The following DNAH12 variants were observed in gnomAD, a reference collection of about 807,000 sequenced individuals.
DNAH12 encodes the protein axonemal beta dynein heavy chain 12.
A neutral mutation model predicts 371.5 loss-of-function variants in DNAH12; 285 were observed. The ratio of observed to expected loss-of-function variants is 0.77; its 90% CI spans 0.70 to 0.85. The LOEUF (loss-of-function observed/expected upper bound fraction) is 0.85, where lower values mean the gene tolerates loss of function less well. Ranked by LOEUF, DNAH12 falls within the 40% of genes least tolerant of loss-of-function variation. The probability of loss-of-function intolerance (pLI) is 0.00; values close to 1 mark genes in which losing one functional copy is unlikely to be tolerated. For missense variants in DNAH12, 3,611 were observed against 3,689.4 expected, an observed-to-expected ratio of 0.98 and a Z score of 0.55; for synonymous variants, 1,200 against 1,213.0, an observed-to-expected ratio of 0.99 and a Z score of 0.22.
chr3:57,458,238 A>T lies in DNAH12; in HGVS notation c.2932-18T>A, dbSNP rs1360943165. On this transcript the variant is annotated intron_variant, in intron 20 of 73. Transcript: ENST00000495027. ...GCAAGAACCTAAACGAGACACATGCATTCAAGTCAGCACTTTTATGCCAGA... is the reference window on the plus strand; with the variant it reads ...GCAAGAACCTAAACGAGACACATGCTTTCAAGTCAGCACTTTTATGCCAGA... 2 of 1,534,098 alleles carry T rather than the reference A, an allele frequency of 1.3e-6. No individual in the cohort carries two copies. The highest frequency in any genetic ancestry group is 4.9e-5 in the East Asian group (2 of 40,816).
intron 66 of DNAH12, among the ~76,000 whole-genome samples, chr3:57,311,853 T>G (rs922289716): frequency 1.3e-5 from 2 of 152,218 alleles, no homozygotes; most frequent in African/African-American, 4.8e-5. Flanking sequence ...GCAATACATA[T>G]CATTTCTAGT....
At position 57,413,881 on chromosome 3, in the gene DNAH12, C is replaced by A; in HGVS notation, c.5885G>T (p.Arg1962Leu). 9.7e-6 allele frequency: 15 copies of A among 1,550,658 alleles called. No homozygotes were observed. Among genetic ancestry groups the A allele is most frequent in the Non-Finnish European group, 1.3e-5 (15 of 1,146,568 alleles). Residue 1962 changes from arginine (R) to leucine (L), a missense_variant, in exon 39 of 74, where the codon CGC becomes CTC. By Grantham distance (102) the Arg-to-Leu change is moderately radical. This residue lies in a region of DNAH12 where 2,266 missense variants were observed against 2,236.9 expected (regional missense o/e 1.01). Coordinates refer to ENST00000495027, the MANE Select transcript of DNAH12 (RefSeq NM_001366028.2). ...NIIMARLDKRRKGVFGPPMGK... is the reference protein window; with the variant it reads ...NIIMARLDKRLKGVFGPPMGK... ...CATAGGTGGTCCAAAGACTCCTTTG[C>A]GTCTTTTATCCAATCTAGCCATGAT...
intron 5 of DNAH12, among the ~76,000 whole-genome samples, 195 bp downstream of exon 5, chr3:57,510,595 G>C (rs1274845410): frequency 6.6e-6 from 1 of 151,998 alleles, no homozygotes; most frequent in African/African-American, 2.4e-5. Context: ...AGCCGAAATA[G>C]CACCACTGCA....
At chr3:57,489,811 T>A in intron 11 of DNAH12, 124 bp from the exon 12 acceptor site, 2 of 1,019,722 alleles carry the variant, frequency 2.0e-6, no homozygotes, top group Non-Finnish European at 2.7e-6. Flanking sequence ...GCTAAGTGAC[T>A]AAAATTTTTT....
At chr3:57,431,136 A>C (rs1023770002) in intron 32 of DNAH12, among the ~76,000 whole-genome samples, 21 of 152,138 alleles carry the variant, frequency 1.4e-4, no homozygotes, top group Non-Finnish European at 7.4e-5. Flanking sequence ...ACTCTGCACA[A>C]ATTTGAAAGG....
At chr3:57,305,934 C>T (rs977581754) in intron 69 of DNAH12, among the ~76,000 whole-genome samples, 11 of 152,228 alleles carry the variant, frequency 7.2e-5, no homozygotes, top group African/African-American at 2.7e-4. Context: ...TCCAGAACCT[C>T]CTCCCCCAGG....
chr3:57,472,498 T>A, intron 14 of DNAH12, 48 bp downstream of exon 14: 1 of 1,520,874 alleles, frequency 6.6e-7, no homozygotes, highest in African/African-American at 1.4e-5. Flanking sequence ...GTGAATGATG[T>A]GCTTGAAATG....
Position 57,445,402 on chromosome 3 carries a change from C to T in DNAH12, c.4197G>A (p.Val1399=). 2 of 1,531,316 alleles carry T rather than the reference C, an allele frequency of 1.3e-6. No individual in the cohort carries two copies. 94.9% of individuals were successfully genotyped at this position (1,531,316 alleles called of 1,614,324 possible). A position where few individuals can be genotyped will look rare whatever the true frequency, so the allele number is the denominator to read the frequency against. Residue 1399 remains valine (V), a synonymous_variant, in exon 28 of 74, where the codon GTG becomes GTA. Coordinates refer to ENST00000495027, the MANE Select transcript of DNAH12 (RefSeq NM_001366028.2). ...PDNLKVLFRT[V]AMMVPNYALI... ...GCGCATAGTTTGGAACCATCATAGC[C>T]ACTGTTCTAAAAAGAACCTGAAGTA...
At position 57,470,648 on chromosome 3, in the gene DNAH12, T is replaced by A; in HGVS notation, c.1912-12A>T. On this transcript the variant is annotated splice_polypyrimidine_tract_variant and intron_variant, in intron 15 of 73. Coordinates refer to ENST00000495027, the MANE Select transcript of DNAH12 (RefSeq NM_001366028.2). ...ACATCTGTCACATACTGAAAGTAAATAAGTTTTTTGTCTTAAAAAAAATTC... is the reference window on the plus strand; with the variant it reads ...ACATCTGTCACATACTGAAAGTAAAAAAGTTTTTTGTCTTAAAAAAAATTC... 2.0e-6 allele frequency: 3 copies of A among 1,516,254 alleles called. No individual in the cohort carries two copies. The highest frequency in any genetic ancestry group is 2.6e-5 in the Admixed American group (1 of 38,420). 93.9% of individuals were successfully genotyped at this position (1,516,254 alleles called of 1,614,324 possible).
chr3:57,476,407 T>C (rs1301202342), intron 13 of DNAH12, among the ~76,000 whole-genome samples: 2 of 151,756 alleles, frequency 1.3e-5, no homozygotes, highest in Admixed American at 6.6e-5. Flanking sequence ...CTACTAAAAA[T>C]ACAAAAATTA....
At chr3:57,503,678 C>T (rs1461339074) in intron 9 of DNAH12, among the ~76,000 whole-genome samples, 10 of 152,114 alleles carry the variant, frequency 6.6e-5, no homozygotes, top group Non-Finnish European at 1.2e-4. Context: ...TGAGGCACTG[C>T]GCCCGGCTGA....
In DNAH12 at chr3:57,480,060, C is replaced by T. The variant is rs371042252; in HGVS notation, c.1650+3316G>A. ...TCAAAAGCTAGCAGAAGGCAAGAAACAACTAAGATCAGAGCAGAACTGAAG... is the reference window on the plus strand; with the variant it reads ...TCAAAAGCTAGCAGAAGGCAAGAAATAACTAAGATCAGAGCAGAACTGAAG... On this transcript the variant is annotated intron_variant, in intron 13 of 73. Transcript: ENST00000495027. Among the ~76,000 whole-genome samples, 4 of 151,958 alleles carry T rather than the reference C, an allele frequency of 2.6e-5. No homozygotes were observed. The South Asian group carries it at 8.3e-4, about 32-fold the overall frequency.
chr3:57,528,157 T>C (rs941867308), intron 2 of DNAH12, among the ~76,000 whole-genome samples: 3 of 151,622 alleles, frequency 2.0e-5, no homozygotes, highest in African/African-American at 7.3e-5. Context: ...GCCTCTTGAG[T>C]AGCTGGGATT....
intron 69 of DNAH12, 77 bp downstream of exon 69, chr3:57,309,074 C>T (rs1464194037): frequency 8.1e-7 from 1 of 1,237,330 alleles, no homozygotes; most frequent in Non-Finnish European, 1.1e-6. Flanking sequence ...CGCCCCAACA[C>T]TTCAACACTA....
At chr3:57,520,272 C>A (rs1047166714) in intron 4 of DNAH12, among the ~76,000 whole-genome samples, 6 of 151,828 alleles carry the variant, frequency 4.0e-5, no homozygotes, top group Admixed American at 1.3e-4. Flanking sequence ...CCACCACACT[C>A]AGCTAATTTT....
At chr3:57,433,857 TAA>T in intron 30 of DNAH12, 29 bp from the exon 31 acceptor site, 1 of 1,470,838 alleles carries the variant, frequency 6.8e-7, no homozygotes, top group Non-Finnish European at 9.0e-7. Flanking sequence ...AATTATACAA[TAA>T]GAGTCTTTAA....
intron 70 of DNAH12, among the ~76,000 whole-genome samples, 171 bp downstream of exon 70, chr3:57,301,564 T>C (rs2061345967): frequency 6.6e-6 from 1 of 152,108 alleles, no homozygotes; most frequent in African/African-American, 2.4e-5. Flanking sequence ...TCACATTTCA[T>C]TCAACTCAGA....
At position 57,309,660 on chromosome 3, in the gene DNAH12, C is replaced by A. The variant is rs1420741326; in HGVS notation, c.11085+6G>T. On this transcript the variant is annotated splice_donor_region_variant and intron_variant, in intron 68 of 73. Transcript: ENST00000495027. ...TATAAGTAACATATTTTAAGCTGAA[C>A]ATTACCTTGTTGAGGATATCTTTGG... The A allele has an allele frequency of 1.3e-6, 2 of 1,497,572 alleles. No individual in the cohort carries two copies. Among genetic ancestry groups the A allele is most frequent in the Non-Finnish European group, 1.8e-6 (2 of 1,125,980 alleles). 92.8% of individuals were successfully genotyped at this position (1,497,572 alleles called of 1,614,324 possible).
At position 57,296,384 on chromosome 3, in the gene DNAH12, G is replaced by T. The variant is rs1044414115; in HGVS notation, c.11584C>A (p.His3862Asn). Residue 3862 changes from histidine to asparagine, a missense_variant, in exon 72 of 74, where the codon CAC becomes AAC. Physicochemically the swap from His to Asn is moderately conservative, Grantham distance 68. Around this residue, in one of 3 missense-constraint regions of DNAH12, gnomAD observed 2,266 missense variants for 2,236.9 expected, o/e 1.01. Transcript: ENST00000495027. ...CGTGCGCCATCGAGATACAGTCCGT[G>T]GATATAAACACCATCTTCTGGTGAT... ...DTSPEDGVYI[H>N]GLYLDGARWD... 1.9e-6 allele frequency: 3 copies of T among 1,550,472 alleles called. No individual in the cohort carries two copies. In the Admixed American group the frequency reaches 5.9e-5, roughly 30 times the overall value.
Sources: gnomAD v4.1 joint callset for allele counts (sites outside exome capture counted in the v4.1 genomes callset) on GRCh38, gnomAD v4.1.1 for gene constraint, gnomAD v4.1.1 regional missense constraint, MANE v1.5 for transcripts, NCBI Gene and HGNC (gene_info 2026-07-23, HGNC 2026-07-21) for gene names.